COLQ: variants seen among roughly 807,000 people sequenced by gnomAD.
The protein encoded by COLQ is collagen like tail subunit of asymmetric acetylcholinesterase.
Under a neutral mutation model 69.0 loss-of-function variants are expected in COLQ, and 48 were observed. The observed-to-expected ratio is 0.70, with a 90% CI of 0.55 to 0.88. COLQ has a LOEUF of 0.88. COLQ is among the 40% of genes least tolerant of loss of function. The pLI, the probability that COLQ is intolerant of heterozygous loss-of-function variation, is 0.00. For synonymous variants in COLQ, 217 were observed against 211.2 expected, an observed-to-expected ratio of 1.03 and a Z score of -0.24; for missense variants, 618 against 594.6, an observed-to-expected ratio of 1.04 and a Z score of -0.41.
chr3:15,515,099 C>T (rs1190975044), intron 1 of COLQ, among the ~76,000 whole-genome samples: 3 of 152,256 alleles, frequency 2.0e-5, no homozygotes, highest in East Asian at 1.9e-4. Context: ...TCCCACGTGT[C>T]TTTCATTCAT....
chr3:15,512,084 G>A (rs1389963113), intron 1 of COLQ, among the ~76,000 whole-genome samples: 3 of 152,058 alleles, frequency 2.0e-5, no homozygotes, highest in Non-Finnish European at 2.9e-5. Flanking sequence ...GTGGAGCATG[G>A]TCCCAGGACA....
At chr3:15,460,559 G>T (rs1211317416) in intron 12 of COLQ, among the ~76,000 whole-genome samples, 1 of 152,206 alleles carries the variant, frequency 6.6e-6, no homozygotes, top group Non-Finnish European at 1.5e-5. Context: ...GACCCCAGGG[G>T]AGAGATCTGG....
chr3:15,507,250 TATGTTG>T (rs1325073279), intron 1 of COLQ, among the ~76,000 whole-genome samples: 1 of 152,270 alleles, frequency 6.6e-6, no homozygotes, highest in African/African-American at 2.4e-5. Flanking sequence ...CATCTCTGTG[TATGTTG>T]GTAAGACTAT....
At chr3:15,511,783 G>A (rs2062988781) in intron 1 of COLQ, among the ~76,000 whole-genome samples, 2 of 151,964 alleles carry the variant, frequency 1.3e-5, no homozygotes, top group South Asian at 4.2e-4. Flanking sequence ...ACCTTTTGGG[G>A]GCCACTCCAT....
chr3:15,488,423 C>T, intron 2 of COLQ, 116 bp from the exon 3 acceptor site: 1 of 815,340 alleles, frequency 1.2e-6, no homozygotes, highest in African/African-American at 1.7e-5. Context: ...AGTTCCCTGA[C>T]ACCCCAATGA....
intron 4 of COLQ, 133 bp from the exon 5 acceptor site, chr3:15,479,136 C>G: frequency 3.3e-6 from 4 of 1,224,856 alleles, no homozygotes; most frequent in Non-Finnish European, 4.8e-6. Context: ...GGCCCCTCTG[C>G]CATGTCGATA....
chr3:15,482,599 G>A (rs2125128563), intron 3 of COLQ, among the ~76,000 whole-genome samples: 1 of 152,300 alleles, frequency 6.6e-6, no homozygotes, highest in South Asian at 2.1e-4. Flanking sequence ...ATGTGCTGCT[G>A]GATTTGGTTT....
chr3:15,468,959 T>C (rs1575470751), intron 11 of COLQ, among the ~76,000 whole-genome samples: 1 of 152,200 alleles, frequency 6.6e-6, no homozygotes, highest in Non-Finnish European at 1.5e-5. Flanking sequence ...AACAATAACT[T>C]TCAGAGACTC....
At chr3:15,520,803 C>T (rs1398778465) in intron 1 of COLQ, among the ~76,000 whole-genome samples, 1 of 152,174 alleles carries the variant, frequency 6.6e-6, no homozygotes, top group Non-Finnish European at 1.5e-5. Flanking sequence ...GCCCCTTCCC[C>T]AAATCTCCCA....
At chr3:15,481,730 G>A (rs1268087856) in intron 3 of COLQ, among the ~76,000 whole-genome samples, 1 of 152,180 alleles carries the variant, frequency 6.6e-6, no homozygotes, top group South Asian at 2.1e-4. Flanking sequence ...GTTTAAAGTA[G>A]TTTTTTCCAA....
At chr3:15,462,751 G>A (rs2062140084) in intron 12 of COLQ, among the ~76,000 whole-genome samples, 2 of 152,216 alleles carry the variant, frequency 1.3e-5, no homozygotes, top group South Asian at 2.1e-4. Context: ...CTCAGGGGAG[G>A]GTGATCCATC....
At chr3:15,466,551 GGATGCA>G (rs2062203808) in intron 11 of COLQ, 114 bp from the exon 12 acceptor site, 2 of 830,362 alleles carry the variant, frequency 2.4e-6, no homozygotes, top group Non-Finnish European at 4.0e-6. Context: ...GCCCAGTGGG[GGATGCA>G]GCTCCAGAGG....
At chr3:15,515,281 C>T (rs1039751115) in intron 1 of COLQ, among the ~76,000 whole-genome samples, 1 of 152,162 alleles carries the variant, frequency 6.6e-6, no homozygotes, top group East Asian at 1.9e-4. Flanking sequence ...ACTATTATAT[C>T]CATTCTTCAG....
At position 15,491,507 on chromosome 3, in the gene COLQ, T is replaced by A. The variant is rs531238950; in HGVS notation, c.107-1870A>T. Among the ~76,000 whole-genome samples the A allele has an allele frequency of 3.9e-5, 6 of 152,310 alleles. No homozygotes were observed. The East Asian group carries it at 1.2e-3, about 29-fold the overall frequency. ...ACAAGTGCTAAGTGCTCCCCAGAAGTCGCCAGGTCGTGCGGTGTCCACGGG... is the reference window on the plus strand; with the variant it reads ...ACAAGTGCTAAGTGCTCCCCAGAAGACGCCAGGTCGTGCGGTGTCCACGGG... On this transcript the variant is annotated intron_variant, in intron 1 of 16. Coordinates refer to ENST00000383788, the MANE Select transcript of COLQ (RefSeq NM_005677.4).
At chr3:15,477,075 C>T (rs767670115) in intron 6 of COLQ, 51 bp downstream of exon 6, 10 of 1,504,628 alleles carry the variant, frequency 6.6e-6, no homozygotes, top group South Asian at 2.4e-5. Flanking sequence ...CTGCCATCTT[C>T]CCCCCTCTTG....
rs2062269760 is a variant in COLQ, at chr3:15,470,742, G to C, written c.637-126C>G. The C allele has an allele frequency of 2.2e-5, 19 of 881,934 alleles. No homozygotes were observed. The South Asian group carries it at 2.5e-4, about 12-fold the overall frequency. 54.6% of individuals were successfully genotyped at this position (881,934 alleles called of 1,614,324 possible). On this transcript the variant is annotated intron_variant, in intron 10 of 16. Transcript: ENST00000383788. ...GATCATTCCGAATCTATGCCAACTG[G>C]GCTGCCCTGCAAGGTTAGCAGAGTG...
Position 15,489,513 on chromosome 3 carries a change from CA to C in COLQ, c.219+11del, listed in dbSNP as rs1206683095. 1.9e-6 allele frequency: 3 copies of C among 1,613,708 alleles called. No homozygotes were observed. The highest frequency in any genetic ancestry group is 3.3e-5 in the Admixed American group (2 of 60,000). On this transcript the variant is annotated intron_variant, in intron 2 of 16. Transcript: ENST00000383788. ...GCACTTTTTTTCCTCTCATAAATCC[CA>C]AAGTACTCACCGGACTTCGGCCACC...
chr3:15,506,408 A>C (rs985825611), intron 1 of COLQ, among the ~76,000 whole-genome samples: 2 of 152,194 alleles, frequency 1.3e-5, no homozygotes, highest in Non-Finnish European at 2.9e-5. Context: ...ATACATTAAA[A>C]TTCTTTCTCC....
chr3:15,498,654 G>A (rs1042989983), intron 1 of COLQ: 66 of 1,550,680 alleles, frequency 4.3e-5, no homozygotes, highest in African/African-American at 3.0e-4. Flanking sequence ...GATTCGTCAC[G>A]CCTCTGAGTG....
Sources: allele counts gnomAD v4.1 joint callset (sites outside exome capture counted in the v4.1 genomes callset), GRCh38; gene constraint gnomAD v4.1.1; transcripts MANE v1.5; gene names NCBI Gene and HGNC (gene_info 2026-07-23, HGNC 2026-07-21).